The following TANGO6 variants were observed in gnomAD, a reference collection of about 807,000 sequenced individuals.
The protein encoded by TANGO6 is transport and golgi organization 6 homolog.
Under a neutral mutation model 114.2 loss-of-function variants are expected in TANGO6, and 90 were observed. That is an observed-to-expected ratio of 0.79 (90% CI 0.66 to 0.94). The LOEUF (loss-of-function observed/expected upper bound fraction) is 0.94. TANGO6 is among the 40% of genes least tolerant of loss of function. The probability of loss-of-function intolerance (pLI) is 0.00; values close to 1 mark genes in which losing one functional copy is unlikely to be tolerated. For missense variants in TANGO6, 1,274 were observed against 1,315.3 expected (o/e 0.97, Z 0.49); for synonymous variants, 477 against 509.8 (o/e 0.94, Z 0.87).
chr16:68,878,182 C>A lies in TANGO6; in HGVS notation c.1196C>A (p.Thr399Asn). ...CGACAATTTCAGAGAGTTGCCACCA[C>A]TACCTTTATAACTTTGTCAAGAGAA... ...TARQFQRVATTTFITLSRERP... is the reference protein window; with the variant it reads ...TARQFQRVATNTFITLSRERP... Residue 399 changes from threonine to asparagine, a missense_variant, in exon 6 of 18, where the codon ACT (threonine) becomes AAT (asparagine). Transcript: ENST00000261778. 6.2e-7 allele frequency: 1 copy of A among 1,613,372 alleles called. No homozygotes were observed. The highest frequency in any genetic ancestry group is 8.5e-7 in the Non-Finnish European group (1 of 1,179,672).
intron 17 of TANGO6, among the ~76,000 whole-genome samples, chr16:69,048,654 G>A (rs1363794583): frequency 6.6e-6 from 1 of 152,100 alleles, no homozygotes; most frequent in Non-Finnish European, 1.5e-5. Flanking sequence ...TTCCTGATAA[G>A]GTTATTTATG....
At chr16:68,974,718 C>T (rs922081066) in intron 15 of TANGO6, among the ~76,000 whole-genome samples, 2 of 151,796 alleles carry the variant, frequency 1.3e-5, no homozygotes, top group African/African-American at 4.8e-5. Flanking sequence ...CTGTGTTGGG[C>T]CCTGATTTTC....
intron 17 of TANGO6, among the ~76,000 whole-genome samples, chr16:69,066,161 G>T (rs952158102): frequency 2.0e-5 from 3 of 152,012 alleles, no homozygotes; most frequent in African/African-American, 7.3e-5. Flanking sequence ...CCGCATCTAC[G>T]CCACCTCCCT....
intron 15 of TANGO6, among the ~76,000 whole-genome samples, chr16:68,997,925 C>T (rs1030398171): frequency 6.6e-6 from 1 of 152,144 alleles, no homozygotes; most frequent in Non-Finnish European, 1.5e-5. Flanking sequence ...ATTAGGGTCT[C>T]TTGTATTCAA....
In TANGO6 at chr16:68,860,468, C is replaced by G; in HGVS notation, c.679C>G (p.Leu227Val). 1 of 1,613,970 alleles carries G rather than the reference C, an allele frequency of 6.2e-7. No individual in the cohort carries two copies. Residue 227 changes from leucine to valine, a missense_variant, in exon 2 of 18, where the codon CTG (leucine) becomes GTG (valine). This residue lies in a region of TANGO6 where 908 missense variants were observed against 910.2 expected (regional missense o/e 1.00). Coordinates refer to ENST00000261778, the MANE Select transcript of TANGO6 (RefSeq NM_024562.2). ...CHHFGDIAAG[L>V]CQLGFCPTKR... Reference sequence around the variant, plus strand: ...CCACTTTGGGGATATCGCAGCAGGTCTGTGCCAACTGGGATTCTGCCCAAC... The same window carrying G: ...CCACTTTGGGGATATCGCAGCAGGTGTGTGCCAACTGGGATTCTGCCCAAC...
intron 7 of TANGO6, among the ~76,000 whole-genome samples, chr16:68,880,885 T>C (rs1962451371): frequency 6.6e-6 from 1 of 152,120 alleles, no homozygotes; most frequent in Non-Finnish European, 1.5e-5. Flanking sequence ...AATCTAAAGC[T>C]CCAAGCTGTC....
intron 14 of TANGO6, among the ~76,000 whole-genome samples, chr16:68,946,937 C>G (rs578192477): frequency 4.6e-5 from 7 of 152,228 alleles, no homozygotes; most frequent in Admixed American, 3.3e-4. Context: ...GGTCTGTGAT[C>G]CATTTCGAGC....
At chr16:69,073,188 CT>C (rs1960321602) in intron 17 of TANGO6, among the ~76,000 whole-genome samples, 1 of 152,022 alleles carries the variant, frequency 6.6e-6, no homozygotes, top group Admixed American at 6.6e-5. Flanking sequence ...GCTGGTTTTG[CT>C]TGGAAACTGC....
rs146329582 is a variant in TANGO6, at chr16:68,971,359, C to T, written c.2702-2669C>T. Among the ~76,000 whole-genome samples the T allele has an allele frequency of 4.9e-3, 751 of 152,100 alleles. 6 individuals are homozygous for T. Among genetic ancestry groups the T allele is most frequent in the African/African-American group, 0.017 (711 of 41,502 alleles). On this transcript the variant is annotated intron_variant, in intron 14 of 17. Transcript: ENST00000261778. ...AATCATAGCTTACTGCGGCCTAGAA[C>T]TTGTGGGCTCAAGCAATCCTCCTGC...
At chr16:68,901,088 A>T (rs377458929) in intron 8 of TANGO6, among the ~76,000 whole-genome samples, 6 of 152,274 alleles carry the variant, frequency 3.9e-5, no homozygotes, top group Admixed American at 2.0e-4. Context: ...ACAGTAATTT[A>T]TGTTGTTTCT....
intron 13 of TANGO6, among the ~76,000 whole-genome samples, chr16:68,928,997 C>A (rs1254622833): frequency 6.6e-6 from 1 of 152,146 alleles, no homozygotes; most frequent in African/African-American, 2.4e-5. Context: ...CAGCTCACTG[C>A]AATTTCCACC....
Position 68,875,250 on chromosome 16 carries a change from C to T in TANGO6, c.1091C>T (p.Ser364Phe). ...ATTTTGGCCTCTTGTCCCCAGCAGT[C>T]TCTTTCACCAGAGAATTACTACAGG... ...AKILASCPQQ[S>F]LSPENYYRDI... The change falls in exon 5 of 18, where the codon TCT (serine) becomes TTT (phenylalanine). Residue 364 changes from serine to phenylalanine, a missense_variant. By Grantham distance (155) the Ser-to-Phe change is radical. Around this residue, in one of 5 missense-constraint regions of TANGO6, gnomAD observed 908 missense variants for 910.2 expected, o/e 1.00. Transcript: ENST00000261778. 5 of 1,613,736 alleles carry T rather than the reference C, an allele frequency of 3.1e-6. No individual in the cohort carries two copies. The highest frequency in any genetic ancestry group is 4.2e-6 in the Non-Finnish European group (5 of 1,179,770).
chr16:69,059,498 G>A (rs561617777), intron 17 of TANGO6, among the ~76,000 whole-genome samples: 39 of 151,910 alleles, frequency 2.6e-4, no homozygotes, highest in African/African-American at 9.2e-4. Flanking sequence ...GAGCCACCGC[G>A]CCTGGCCACT....
chr16:69,016,667 A>G (rs1049988119), intron 15 of TANGO6, among the ~76,000 whole-genome samples: 1 of 151,870 alleles, frequency 6.6e-6, no homozygotes, highest in Non-Finnish European at 1.5e-5. Flanking sequence ...ATTTTATTTT[A>G]TTTATTATTA....
chr16:68,949,518 G>A (rs1289434962), intron 14 of TANGO6, among the ~76,000 whole-genome samples: 2 of 152,118 alleles, frequency 1.3e-5, no homozygotes, highest in African/African-American at 4.8e-5. Flanking sequence ...CTACTTGGGA[G>A]GCTGAGGCAG....
In TANGO6 at chr16:68,861,028, G is replaced by A. The variant is rs570665235; in HGVS notation, c.735+504G>A. On this transcript the variant is annotated intron_variant, in intron 2 of 17. Transcript: ENST00000261778. ...TCATTGTTATTATTAGGTGTTAGGG[G>A]TATATGCCCATTTTTGCTGTCACTC... 1.6e-4 allele frequency among the ~76,000 whole-genome samples: 24 copies of A among 152,264 alleles called. No individual in the cohort carries two copies. In the South Asian group the frequency reaches 2.9e-3, roughly 18 times the overall value.
intron 14 of TANGO6, among the ~76,000 whole-genome samples, chr16:68,966,087 G>A (rs937351343): frequency 6.6e-6 from 1 of 152,080 alleles, no homozygotes; most frequent in African/African-American, 2.4e-5. Flanking sequence ...AACAAAATTA[G>A]CCATGTGTGG....
At chr16:68,971,553 G>T (rs144191003) in intron 14 of TANGO6, among the ~76,000 whole-genome samples, 3,837 of 152,110 alleles carry the variant, frequency 0.025, 167 homozygotes, top group African/African-American at 0.088. Context: ...GGGATTACAG[G>T]TGTGAGCCAC....
chr16:68,916,928 A>C (rs765467799), intron 11 of TANGO6, among the ~76,000 whole-genome samples: 1 of 152,108 alleles, frequency 6.6e-6, no homozygotes, highest in Non-Finnish European at 1.5e-5. Flanking sequence ...CCCAACGTCC[A>C]TAGTTTACAC....
Sources: gnomAD v4.1 joint callset for allele counts (sites outside exome capture counted in the v4.1 genomes callset) on GRCh38, gnomAD v4.1.1 for gene constraint, gnomAD v4.1.1 regional missense constraint, MANE v1.5 for transcripts, NCBI Gene and HGNC (gene_info 2026-07-23, HGNC 2026-07-21) for gene names.